ARMH3: variants seen among roughly 807,000 people sequenced by gnomAD.
ARMH3 encodes armadillo-like helical domain-containing protein 3.
ARMH3 carries 60 observed loss-of-function variants against 99.1 expected under a neutral mutation model. That is an observed-to-expected ratio of 0.61 (90% CI 0.49 to 0.75). ARMH3 has a LOEUF of 0.75. ARMH3 is among the 30% of genes least tolerant of loss of function. The pLI, the probability that ARMH3 is intolerant of heterozygous loss-of-function variation, is 0.00. For missense variants in ARMH3, 679 were observed against 843.1 expected, an observed-to-expected ratio of 0.81 and a Z score of 2.41; for synonymous variants, 285 against 292.8, an observed-to-expected ratio of 0.97 and a Z score of 0.27.
intron 19 of ARMH3, among the ~76,000 whole-genome samples, chr10:101,985,960 G>C (rs987096033): frequency 6.6e-6 from 1 of 152,002 alleles, no homozygotes; most frequent in Non-Finnish European, 1.5e-5. Flanking sequence ...GGAGGTTGCA[G>C]TGAGCCAAGA....
intron 24 of ARMH3, among the ~76,000 whole-genome samples, chr10:101,889,049 T>C (rs2067623032): frequency 6.6e-6 from 1 of 152,150 alleles, no homozygotes; most frequent in Non-Finnish European, 1.5e-5. Flanking sequence ...GAACTCAGGG[T>C]TTTTCTAATT....
chr10:101,927,748 C>A (rs1450787032), intron 23 of ARMH3, among the ~76,000 whole-genome samples: 1 of 152,090 alleles, frequency 6.6e-6, no homozygotes, highest in East Asian at 1.9e-4. Flanking sequence ...GGCTGGGCAA[C>A]ATAGTGAGAT....
intron 20 of ARMH3, among the ~76,000 whole-genome samples, chr10:101,969,751 G>A (rs1031634384): frequency 1.3e-5 from 2 of 152,186 alleles, no homozygotes; most frequent in South Asian, 2.1e-4. Flanking sequence ...CTTTCTTCCT[G>A]CAGGCAAGCA....
At chr10:101,890,799 G>A (rs1379752192) in intron 23 of ARMH3, among the ~76,000 whole-genome samples, 1 of 152,026 alleles carries the variant, frequency 6.6e-6, no homozygotes, top group Non-Finnish European at 1.5e-5. Flanking sequence ...CTGATGAGAA[G>A]GGCACTTAAT....
chr10:102,035,112 T>C (rs1374078654), intron 2 of ARMH3, among the ~76,000 whole-genome samples: 1 of 151,982 alleles, frequency 6.6e-6, no homozygotes, highest in Non-Finnish European at 1.5e-5. Context: ...GGCTCACACC[T>C]GTAATCCCAG....
At chr10:102,000,878 G>A (rs796522731) in intron 15 of ARMH3, among the ~76,000 whole-genome samples, 27 of 151,972 alleles carry the variant, frequency 1.8e-4, no homozygotes, top group South Asian at 6.2e-4. Flanking sequence ...GTACAGTGGC[G>A]CGATCTCAAC....
At chr10:102,015,768 G>T (rs933667675) in intron 8 of ARMH3, among the ~76,000 whole-genome samples, 4 of 152,118 alleles carry the variant, frequency 2.6e-5, no homozygotes, top group African/African-American at 9.7e-5. Flanking sequence ...TAATTGTGAC[G>T]AATTAGGCAC....
intron 22 of ARMH3, among the ~76,000 whole-genome samples, chr10:101,941,436 T>G (rs531010525): frequency 6.6e-6 from 1 of 152,152 alleles, no homozygotes; most frequent in Non-Finnish European, 1.5e-5. Context: ...GTGTGACCAA[T>G]CTGTATATGA....
At chr10:101,892,088 G>C (rs1234798142) in intron 23 of ARMH3, among the ~76,000 whole-genome samples, 1 of 151,834 alleles carries the variant, frequency 6.6e-6, no homozygotes, top group African/African-American at 2.4e-5. Flanking sequence ...CTCCAGCCTG[G>C]GTGACATAGT....
chr10:101,957,565 C>A, intron 21 of ARMH3, 85 bp downstream of exon 21: 1 of 1,455,504 alleles, frequency 6.9e-7, no homozygotes. Context: ...GCTTAGTCCC[C>A]AGACCACCAG....
chr10:101,957,644 A>T lies in ARMH3; in HGVS notation c.1578+6T>A. 6.2e-7 allele frequency: 1 copy of T among 1,604,620 alleles called. No individual in the cohort carries two copies. Among genetic ancestry groups the T allele is most frequent in the Non-Finnish European group, 8.5e-7 (1 of 1,176,674 alleles). ...CAGAAAAAGAAGTATTTGTTTTGAT[A>T]CTCACCATAAGGGCTAATGTAAAAA... On this transcript the variant is annotated splice_donor_region_variant and intron_variant, in intron 21 of 25. Coordinates refer to ENST00000370033, the MANE Select transcript of ARMH3 (RefSeq NM_024541.3).
At chr10:101,993,200 G>T (rs2136017326) in intron 17 of ARMH3, among the ~76,000 whole-genome samples, 1 of 151,616 alleles carries the variant, frequency 6.6e-6, no homozygotes, top group African/African-American at 2.4e-5. Flanking sequence ...GAGCCCAAGA[G>T]GCAGAGGTTG....
rs1328792113 is a variant in ARMH3, at chr10:102,033,311, C to T, written c.131G>A (p.Arg44Gln). The change falls in exon 3 of 26, where the codon CGG becomes CAG. Residue 44 changes from arginine (R) to glutamine (Q), a missense_variant. Coordinates refer to ENST00000370033, the MANE Select transcript of ARMH3 (RefSeq NM_024541.3). ...MTEDPSKCSP[R>Q]FWEELFLMKV... ...CATGAGAAAGAGCTCCTCCCAAAAC[C>T]GAGGACTGCACTTACTGGGGTCCTC... 6.2e-7 allele frequency: 1 copy of T among 1,614,040 alleles called. No homozygotes were observed. The highest frequency in any genetic ancestry group is 1.1e-5 in the South Asian group (1 of 91,090).
chr10:101,944,456 G>C (rs910177663), intron 22 of ARMH3, among the ~76,000 whole-genome samples: 1 of 151,380 alleles, frequency 6.6e-6, no homozygotes, highest in Admixed American at 6.6e-5. Flanking sequence ...GCAAAATAAA[G>C]AAAACCACGC....
intron 20 of ARMH3, among the ~76,000 whole-genome samples, 156 bp downstream of exon 20, chr10:101,975,049 TAAAAAAA>T (rs11399489): frequency 3.0e-4 from 9 of 29,664 alleles, no homozygotes; most frequent in Admixed American, 1.3e-3. Context: ...AGCTAAAACG[TAAAAAAA>T]AAAAAAAAAA....
intron 10 of ARMH3, among the ~76,000 whole-genome samples, chr10:102,012,374 G>C (rs777363914): frequency 8.5e-5 from 13 of 152,226 alleles, no homozygotes; most frequent in African/African-American, 3.1e-4. Context: ...GGGACTCTGG[G>C]AAGTTGAGGT....
chr10:101,995,945 T>C (rs1181951924), intron 15 of ARMH3, among the ~76,000 whole-genome samples: 2 of 152,246 alleles, frequency 1.3e-5, no homozygotes, highest in African/African-American at 4.8e-5. Context: ...AGCACTACTA[T>C]GTGGCAGGCA....
intron 23 of ARMH3, among the ~76,000 whole-genome samples, chr10:101,926,775 G>A (rs996598456): frequency 4.6e-5 from 7 of 152,058 alleles, no homozygotes; most frequent in East Asian, 1.9e-4. Flanking sequence ...CTTTTCTCAG[G>A]TGAAAACAAA....
intron 24 of ARMH3, among the ~76,000 whole-genome samples, chr10:101,871,012 GA>G (rs957426239): frequency 2.6e-5 from 4 of 151,094 alleles, no homozygotes; most frequent in East Asian, 3.9e-4. Context: ...AAGGATGCAG[GA>G]AAAAAAAGTC....
Sources: gnomAD v4.1 joint callset for allele counts (sites outside exome capture counted in the v4.1 genomes callset) on GRCh38, gnomAD v4.1.1 for gene constraint, MANE v1.5 for transcripts, NCBI Gene and HGNC (gene_info 2026-07-23, HGNC 2026-07-21) for gene names.